CNOT10: variants seen among roughly 807,000 people sequenced by gnomAD.
CNOT10 encodes CCR4-NOT transcription complex subunit 10.
Under a neutral mutation model 94.6 loss-of-function variants are expected in CNOT10, and 30 were observed. That is an observed-to-expected ratio of 0.32 (90% CI 0.24 to 0.43). CNOT10 has a LOEUF of 0.43. Ranked by LOEUF, CNOT10 falls within the 20% of genes least tolerant of loss-of-function variation. The pLI is 1.00. For missense variants in CNOT10, 759 were observed against 877.2 expected, an observed-to-expected ratio of 0.87 and a Z score of 1.70; for synonymous variants, 289 against 301.6, an observed-to-expected ratio of 0.96 and a Z score of 0.43.
chr3:32,723,066 A>G (rs1197164740), intron 8 of CNOT10, among the ~76,000 whole-genome samples: 1 of 152,116 alleles, frequency 6.6e-6, no homozygotes, highest in Non-Finnish European at 1.5e-5. Context: ...ATTAAGGGCC[A>G]TTGTTTTGGA....
chr3:32,759,121 T>A (rs1160443199), intron 13 of CNOT10, among the ~76,000 whole-genome samples: 1 of 90,622 alleles, frequency 1.1e-5, no homozygotes, highest in African/African-American at 4.2e-5. Context: ...CATTAGGCTA[T>A]ATATATATAG....
chr3:32,731,053 TAAGAA>T (rs901420746), intron 10 of CNOT10: 28 of 152,268 alleles, frequency 1.8e-4, no homozygotes, highest in African/African-American at 4.8e-4. Flanking sequence ...GCCTTAGCAA[TAAGAA>T]AAGAGAAGAG....
Position 32,769,872 on chromosome 3 carries a change from C to T in CNOT10, c.2005-15C>T. On this transcript the variant is annotated splice_polypyrimidine_tract_variant and intron_variant, in intron 17 of 18. Transcript: ENST00000328834. ...CTTTTGTTTTTTCACGGGCATCTTTCTGTTTTGAGCAAAGGCGGCTTCAAT... is the reference window on the plus strand; with the variant it reads ...CTTTTGTTTTTTCACGGGCATCTTTTTGTTTTGAGCAAAGGCGGCTTCAAT... 3 of 1,610,798 alleles carry T rather than the reference C, an allele frequency of 1.9e-6. No homozygotes were observed. The highest frequency in any genetic ancestry group is 2.5e-6 in the Non-Finnish European group (3 of 1,177,262).
chr3:32,744,935 G>A (rs1161966996), intron 13 of CNOT10, among the ~76,000 whole-genome samples: 4 of 152,130 alleles, frequency 2.6e-5, no homozygotes, highest in Non-Finnish European at 5.9e-5. Flanking sequence ...CTGGAGTGCA[G>A]TGGCTCAATC....
rs143613365 is a variant in CNOT10, at chr3:32,707,753, A to G, written c.280-917A>G. 1.8e-3 allele frequency among the ~76,000 whole-genome samples: 279 copies of G among 152,188 alleles called. 1 individual carries two copies. The highest frequency in any genetic ancestry group is 6.5e-3 in the African/African-American group (270 of 41,532). ...TGGAGGTGGAGGTTACACTGAGCTG[A>G]GTTCGTGCCACTGCACTCCAGCCTG... On this transcript the variant is annotated intron_variant, in intron 3 of 18. Transcript: ENST00000328834.
At chr3:32,698,015 G>A (rs145869803) in intron 1 of CNOT10, among the ~76,000 whole-genome samples, 64 of 152,252 alleles carry the variant, frequency 4.2e-4, no homozygotes, top group African/African-American at 1.5e-3. Context: ...GCCTTCTGAG[G>A]TCCTAAAGTC....
intron 17 of CNOT10, among the ~76,000 whole-genome samples, chr3:32,767,561 T>C (rs1700704226): frequency 6.7e-6 from 1 of 150,062 alleles, no homozygotes; most frequent in Non-Finnish European, 1.5e-5. Context: ...TCACATAGGT[T>C]CCTGCTTATG....
chr3:32,764,803 C>T lies in CNOT10; in HGVS notation c.1998C>T (p.Leu666=), dbSNP rs765239739. The part of the protein sequence containing the change: ...RSEYDKARKC[L]HQAASMIHPK... The stretch of plus-strand genomic sequence containing the variant: ...AATATGACAAAGCCCGAAAGTGTCT[C>T]CACCAGGTGAGTCCAGAGTGGGAGG... The change falls in exon 17 of 19, where the codon CTC becomes CTT. Residue 666 remains leucine, a synonymous_variant. Transcript: ENST00000328834. 6.2e-7 allele frequency: 1 copy of T among 1,614,146 alleles called. No homozygotes were observed. Among genetic ancestry groups the T allele is most frequent in the South Asian group, 1.1e-5 (1 of 91,078 alleles).
At chr3:32,753,449 C>T in intron 13 of CNOT10, 1 of 1,541,444 alleles carries the variant, frequency 6.5e-7, no homozygotes, top group Admixed American at 1.7e-5. Context: ...AAACTTCCTT[C>T]TGGAGAGGAT....
At position 32,695,729 on chromosome 3, in the gene CNOT10, A is replaced by G. The variant is rs977427954; in HGVS notation, c.23-8139A>G. 4 of 1,535,980 alleles carry G rather than the reference A, an allele frequency of 2.6e-6. No homozygotes were observed. The African/African-American group carries it at 4.1e-5, about 16-fold the overall frequency. On this transcript the variant is annotated intron_variant, in intron 1 of 18. Transcript: ENST00000328834. ...TTAGGCCAGAGTAGAAGGAAAGTCA[A>G]GCTTATGGGTGAACGGTCGTATACT...
At position 32,737,401 on chromosome 3, in the gene CNOT10, C is replaced by G. The variant is rs773107501; in HGVS notation, c.1515-9C>G. On this transcript the variant is annotated splice_polypyrimidine_tract_variant and intron_variant, in intron 12 of 18. Coordinates refer to ENST00000328834, the MANE Select transcript of CNOT10 (RefSeq NM_015442.3). ...CTCTTCATAATTAAGACTCTTACCTCTATTTTAGCAGTAAAAGCCATGATG... is the reference window on the plus strand; with the variant it reads ...CTCTTCATAATTAAGACTCTTACCTGTATTTTAGCAGTAAAAGCCATGATG... The G allele has an allele frequency of 6.3e-7, 1 of 1,581,520 alleles. No homozygotes were observed. Among genetic ancestry groups the G allele is most frequent in the East Asian group, 2.2e-5 (1 of 44,660 alleles).
In CNOT10 at chr3:32,720,117, G is replaced by A. The variant is rs752322117; in HGVS notation, c.748G>A (p.Ala250Thr). Residue 250 changes from alanine to threonine, a missense_variant, in exon 8 of 19, where the codon GCA becomes ACA. Transcript: ENST00000328834. ...KSVMNTAGNS[A>T]PSLFLKSNFE... ...AACTTTTATATTTTCTCTACAGTCC[G>A]CACCCTCTCTCTTTCTTAAAAGCAA... 2.1e-5 allele frequency: 31 copies of A among 1,487,922 alleles called. No individual in the cohort carries two copies. The highest frequency in any genetic ancestry group is 4.0e-5 in the South Asian group (3 of 75,738). 92.2% of individuals were successfully genotyped at this position (1,487,922 alleles called of 1,614,324 possible). A position where few individuals can be genotyped will look rare whatever the true frequency, so the allele number is the denominator to read the frequency against.
chr3:32,741,530 G>A (rs575666508), intron 13 of CNOT10, among the ~76,000 whole-genome samples: 30 of 152,196 alleles, frequency 2.0e-4, no homozygotes, highest in African/African-American at 6.7e-4. Flanking sequence ...AGCACTTAGG[G>A]CGGCCGAGGC....
At chr3:32,756,934 C>G (rs2125626052) in intron 13 of CNOT10, among the ~76,000 whole-genome samples, 1 of 151,804 alleles carries the variant, frequency 6.6e-6, no homozygotes, top group East Asian at 2.0e-4. Flanking sequence ...GAAACCCCAT[C>G]TCTATAAAAA....
intron 17 of CNOT10, 184 bp downstream of exon 17, chr3:32,764,993 A>G: frequency 1.3e-6 from 2 of 1,517,764 alleles, no homozygotes; most frequent in South Asian, 2.4e-5. Context: ...GAACCTAGAC[A>G]CTTAAAGGAA....
chr3:32,753,174 A>G (rs1403989044), intron 13 of CNOT10: 4 of 645,142 alleles, frequency 6.2e-6, no homozygotes, highest in Non-Finnish European at 1.2e-5. Flanking sequence ...ACATGTGAAT[A>G]CTATGAAAAA....
intron 1 of CNOT10, among the ~76,000 whole-genome samples, chr3:32,689,918 G>C (rs112692071): frequency 8.5e-5 from 13 of 152,312 alleles, no homozygotes; most frequent in African/African-American, 3.1e-4. Context: ...TTGTGCCACT[G>C]TACTGTAGCC....
intron 7 of CNOT10, among the ~76,000 whole-genome samples, chr3:32,718,583 C>CAA (rs368048572): frequency 0.019 from 1,407 of 73,562 alleles, 51 homozygotes; most frequent in Non-Finnish European, 0.02. Context: ...GACTCATTCT[C>CAA]AAAAAAAAAA....
chr3:32,703,202 G>A (rs1697450837), intron 1 of CNOT10, among the ~76,000 whole-genome samples: 1 of 151,804 alleles, frequency 6.6e-6, no homozygotes, highest in Admixed American at 6.6e-5. Flanking sequence ...GGGATTACAG[G>A]CGTGAGCCAC....
Sources: gnomAD v4.1 joint callset for allele counts (sites outside exome capture counted in the v4.1 genomes callset) on GRCh38, gnomAD v4.1.1 for gene constraint, MANE v1.5 for transcripts, NCBI Gene and HGNC (gene_info 2026-07-23, HGNC 2026-07-21) for gene names.